Variants in ABCD2 observed in about 807,000 individuals in gnomAD.
ABCD2 encodes the protein ATP-binding cassette sub-family D member 2.
Under a neutral mutation model 70.9 loss-of-function variants are expected in ABCD2, and 36 were observed. That is an observed-to-expected ratio of 0.51 (90% confidence interval 0.39 to 0.67). ABCD2 has a LOEUF of 0.67. Among genes scored for constraint, ABCD2 ranks in the 30% least tolerant of loss-of-function variants. The pLI, the probability that ABCD2 is intolerant of heterozygous loss-of-function variation, is 0.00. For missense variants in ABCD2, 729 were observed against 890.2 expected, an observed-to-expected ratio of 0.82 and a Z score of 2.30; for synonymous variants, 304 against 306.9, an observed-to-expected ratio of 0.99 and a Z score of 0.10.
chr12:39,617,561 G>C (rs1942133454), intron 1 of ABCD2, among the ~76,000 whole-genome samples: 1 of 152,100 alleles, frequency 6.6e-6, no homozygotes, highest in East Asian at 1.9e-4. Flanking sequence ...CAATTTGTTG[G>C]ATTTTGTCTT....
chr12:39,604,216 ATCTT>A (rs945767245), intron 4 of ABCD2, among the ~76,000 whole-genome samples: 1 of 152,070 alleles, frequency 6.6e-6, no homozygotes, highest in Non-Finnish European at 1.5e-5. Flanking sequence ...TACTTGAAAA[ATCTT>A]TCTGAGAAAC....
chr12:39,587,913 C>T (rs564370880), intron 6 of ABCD2, among the ~76,000 whole-genome samples: 3 of 152,278 alleles, frequency 2.0e-5, no homozygotes, highest in Admixed American at 2.0e-4. Flanking sequence ...TATATAATTT[C>T]AGTCAAAGAC....
intron 9 of ABCD2, among the ~76,000 whole-genome samples, chr12:39,567,168 T>C (rs1941363757): frequency 6.6e-6 from 1 of 152,204 alleles, no homozygotes; most frequent in South Asian, 2.1e-4. Flanking sequence ...AGAGCTGAGT[T>C]CAATTCCTGG....
intron 7 of ABCD2, among the ~76,000 whole-genome samples, chr12:39,581,579 A>G (rs931635849): frequency 2.0e-5 from 3 of 152,212 alleles, no homozygotes; most frequent in African/African-American, 7.2e-5. Flanking sequence ...ATTGAATTTC[A>G]TAGTATTTAT....
chr12:39,619,638 T>C lies in ABCD2; in HGVS notation c.-23A>G, dbSNP rs1942168519. The C allele has an allele frequency of 1.9e-6, 3 of 1,585,568 alleles. No homozygotes were observed. Among genetic ancestry groups the C allele is most frequent in the Non-Finnish European group, 2.6e-6 (3 of 1,169,528 alleles). On this transcript the variant is annotated 5_prime_UTR_variant, in exon 1 of 10. Transcript: ENST00000308666. ...CATTTTCCCAGTTACCCAAACCGGC[T>C]TCCAAAAGAATTCGTTTTAAAAGAT... is the stretch of plus-strand genomic sequence containing the variant.
In ABCD2 at chr12:39,604,722, C is replaced by T. The variant is rs751045958; in HGVS notation, c.1405+40G>A. 5 of 1,469,422 alleles carry T rather than the reference C, an allele frequency of 3.4e-6. No homozygotes were observed. The African/African-American group carries it at 4.3e-5, about 13-fold the overall frequency. 91.0% of individuals were successfully genotyped at this position (1,469,422 alleles called of 1,614,324 possible). A position where few individuals can be genotyped will look rare whatever the true frequency, so the allele number is the denominator to read the frequency against. On this transcript the variant is annotated intron_variant, in intron 4 of 9. Transcript: ENST00000308666. ...TAAACTTTGGTTCTGTTGATAAATA[C>T]TTAAATATAGGAAAATATAAAAGCA...
downstream of ABCD2, among the ~76,000 whole-genome samples, chr12:39,548,550 T>G (rs1941048739): frequency 6.6e-6 from 1 of 151,966 alleles, no homozygotes; most frequent in African/African-American, 2.4e-5. Flanking sequence ...AAGGTCTCAT[T>G]ATATTAGCTT....
At chr12:39,558,990 T>C (rs574948253) in intron 9 of ABCD2, among the ~76,000 whole-genome samples, 157 of 152,064 alleles carry the variant, frequency 1.0e-3, no homozygotes, top group Non-Finnish European at 2.1e-3. Context: ...ATATGTGAAC[T>C]TGAAAACAGG....
At chr12:39,565,201 T>A (rs1453984913) in intron 9 of ABCD2, among the ~76,000 whole-genome samples, 1 of 152,164 alleles carries the variant, frequency 6.6e-6, no homozygotes, top group African/African-American at 2.4e-5. Flanking sequence ...TGGCATTGAA[T>A]CTATAAATTA....
chr12:39,590,810 T>C (rs1227176892), intron 6 of ABCD2, among the ~76,000 whole-genome samples: 2 of 152,044 alleles, frequency 1.3e-5, no homozygotes, highest in Non-Finnish European at 2.9e-5. Context: ...TTTTTTATTA[T>C]TCTCTAAGAC....
intron 1 of ABCD2, 58 bp downstream of exon 1, chr12:39,618,619 C>T (rs1181955875): frequency 6.7e-7 from 1 of 1,496,682 alleles, no homozygotes; most frequent in South Asian, 1.2e-5. Flanking sequence ...GTATCTGGCA[C>T]TGCAGTGGCA....
the ABCD2 span, among the ~76,000 whole-genome samples, chr12:39,536,671 C>T: frequency 6.6e-6 from 1 of 152,046 alleles, no homozygotes; most frequent in African/African-American, 2.4e-5. Context: ...TTTTAGGAAT[C>T]GTATACAAGA....
chr12:39,538,334 A>AT, the ABCD2 span, among the ~76,000 whole-genome samples: 1 of 149,620 alleles, frequency 6.7e-6, no homozygotes, highest in Non-Finnish European at 1.5e-5. Context: ...ATGCCTGGAT[A>AT]TTTTTTTTAT....
At chr12:39,603,293 T>C (rs910037052) in intron 5 of ABCD2, among the ~76,000 whole-genome samples, 1 of 152,130 alleles carries the variant, frequency 6.6e-6, no homozygotes, top group Non-Finnish European at 1.5e-5. Context: ...ATTTTGTACT[T>C]GAATCCCAAA....
chr12:39,560,733 CAATTA>C lies in ABCD2; in HGVS notation c.2004-6607_2004-6603del, dbSNP rs543691031. On this transcript the variant is annotated intron_variant, in intron 9 of 9. Transcript: ENST00000308666. ...AAGGGTAAAGATTGTGCCTTTTTTG[CAATTA>C]AATTAAAGTTGTTATGAACTTAAAA... 2.5e-3 allele frequency among the ~76,000 whole-genome samples: 375 copies of C among 151,936 alleles called. 2 individuals carry two copies. The highest frequency in any genetic ancestry group is 8.5e-3 in the African/African-American group (352 of 41,474).
intron 9 of ABCD2, among the ~76,000 whole-genome samples, chr12:39,566,836 G>C (rs1941357297): frequency 6.6e-6 from 1 of 152,136 alleles, no homozygotes; most frequent in African/African-American, 2.4e-5. Flanking sequence ...TTGTGTCTTT[G>C]TTCTCATTGG....
intron 8 of ABCD2, 70 bp from the exon 9 acceptor site, chr12:39,573,911 G>A: frequency 7.1e-7 from 1 of 1,416,800 alleles, no homozygotes. Context: ...TGGACAATAT[G>A]AGTTGCATTG....
intron 7 of ABCD2, among the ~76,000 whole-genome samples, chr12:39,580,578 T>A (rs2120618217): frequency 6.6e-6 from 1 of 152,298 alleles, no homozygotes; most frequent in South Asian, 2.1e-4. Flanking sequence ...TTTATAAAAT[T>A]CTAAAATTTT....
intron 1 of ABCD2, among the ~76,000 whole-genome samples, chr12:39,617,770 T>G (rs1942136459): frequency 6.6e-6 from 1 of 152,200 alleles, no homozygotes; most frequent in Non-Finnish European, 1.5e-5. Context: ...GCTTTAAAAA[T>G]TAAATAATTC....
Sources: gnomAD v4.1 joint callset for allele counts (sites outside exome capture counted in the v4.1 genomes callset) on GRCh38, gnomAD v4.1.1 for gene constraint, MANE v1.5 for transcripts, NCBI Gene and HGNC (gene_info 2026-07-23, HGNC 2026-07-21) for gene names.